TNFSF4: variants seen among roughly 807,000 people sequenced by gnomAD.
TNFSF4 encodes TNF superfamily member 4.
TNFSF4 carries 4 observed loss-of-function variants against 7.3 expected under a neutral mutation model. The ratio of observed to expected loss-of-function variants is 0.55; its 90% CI spans 0.27 to 1.25. The LOEUF (loss-of-function observed/expected upper bound fraction) is 1.25, where lower values mean the gene tolerates loss of function less well. Ranked by LOEUF, TNFSF4 falls within the 50% of genes most tolerant of loss-of-function variation. The pLI is 0.12. For synonymous variants in TNFSF4, 76 were observed against 83.7 expected (o/e 0.91, Z 0.50); for missense variants, 181 against 208.8 (o/e 0.87, Z 0.82).
the TNFSF4 span, among the ~76,000 whole-genome samples, chr1:173,235,298 G>A: frequency 2.6e-5 from 4 of 152,234 alleles, no homozygotes; most frequent in South Asian, 8.3e-4. Flanking sequence ...AGAATTAAAA[G>A]AAAGCTCTCA....
the TNFSF4 span, among the ~76,000 whole-genome samples, chr1:173,376,940 G>T: frequency 1.3e-5 from 2 of 152,000 alleles, no homozygotes; most frequent in African/African-American, 4.8e-5. Flanking sequence ...AACTCCGGAC[G>T]CACCACTTTT....
At chr1:173,354,787 C>G in the TNFSF4 span, among the ~76,000 whole-genome samples, 2 of 152,080 alleles carry the variant, frequency 1.3e-5, no homozygotes, top group Non-Finnish European at 2.9e-5. Context: ...GGTTACCCTC[C>G]CTACAAAATT....
chr1:173,355,050 G>A, the TNFSF4 span, among the ~76,000 whole-genome samples: 1 of 152,198 alleles, frequency 6.6e-6, no homozygotes, highest in Non-Finnish European at 1.5e-5. Flanking sequence ...GGCTCTGGGA[G>A]ATAATCTGTT....
the TNFSF4 span, among the ~76,000 whole-genome samples, chr1:173,299,295 A>C: frequency 6.6e-6 from 1 of 151,868 alleles, no homozygotes; most frequent in Non-Finnish European, 1.5e-5. Context: ...AGCTTATGAA[A>C]GCTGCTTTGC....
At chr1:173,291,951 A>T in the TNFSF4 span, among the ~76,000 whole-genome samples, 1 of 152,014 alleles carries the variant, frequency 6.6e-6, no homozygotes, top group African/African-American at 2.4e-5. Context: ...TGAAACCCTG[A>T]ACACAACAGT....
At chr1:173,271,961 A>G in the TNFSF4 span, among the ~76,000 whole-genome samples, 14 of 152,180 alleles carry the variant, frequency 9.2e-5, no homozygotes, top group African/African-American at 2.4e-4. Context: ...ATGTCCATCA[A>G]TGGTGGACTG....
the TNFSF4 span, among the ~76,000 whole-genome samples, chr1:173,329,726 T>A: frequency 6.6e-6 from 1 of 152,128 alleles, no homozygotes; most frequent in Non-Finnish European, 1.5e-5. Context: ...GGCCGTAGGA[T>A]AGGTTCTGTT....
the TNFSF4 span, among the ~76,000 whole-genome samples, chr1:173,340,478 A>G: frequency 6.6e-6 from 1 of 152,042 alleles, no homozygotes; most frequent in Non-Finnish European, 1.5e-5. Context: ...GGACCATTTG[A>G]GGTGATGAGC....
At chr1:173,442,513 G>GTTTGGTTTTCGGTT in the TNFSF4 span, among the ~76,000 whole-genome samples, 1 of 118,920 alleles carries the variant, frequency 8.4e-6, no homozygotes, top group African/African-American at 2.9e-5. Context: ...TTTTTTGTTT[G>GTTTGGTTTTCGGTT]TTTGGTTTTC....
the TNFSF4 span, among the ~76,000 whole-genome samples, chr1:173,417,629 T>C: frequency 2.0e-5 from 3 of 152,170 alleles, no homozygotes; most frequent in African/African-American, 4.8e-5. Context: ...TCTCATTGCC[T>C]GACATTATAA....
the TNFSF4 span, among the ~76,000 whole-genome samples, chr1:173,422,608 A>G: frequency 6.6e-6 from 1 of 152,320 alleles, no homozygotes. Flanking sequence ...TTACTGACCC[A>G]GTAACTGCTG....
chr1:173,311,269 A>C, the TNFSF4 span, among the ~76,000 whole-genome samples: 10 of 152,136 alleles, frequency 6.6e-5, no homozygotes, highest in African/African-American at 2.2e-4. Flanking sequence ...CAGGAAACAG[A>C]AATCATACAG....
the TNFSF4 span, among the ~76,000 whole-genome samples, chr1:173,263,363 G>A: frequency 2.0e-5 from 3 of 152,048 alleles, no homozygotes; most frequent in Non-Finnish European, 2.9e-5. Flanking sequence ...GAGGCATAAC[G>A]CTATTTCAAT....
the TNFSF4 span, among the ~76,000 whole-genome samples, chr1:173,384,862 T>A: frequency 6.6e-6 from 1 of 152,208 alleles, no homozygotes; most frequent in Non-Finnish European, 1.5e-5. Context: ...TACTTACCTA[T>A]GTTAAATATA....
At chr1:173,381,327 TGAG>T in the TNFSF4 span, among the ~76,000 whole-genome samples, 1 of 152,184 alleles carries the variant, frequency 6.6e-6, no homozygotes, top group Non-Finnish European at 1.5e-5. Flanking sequence ...AGGGATAGTA[TGAG>T]ATGCCACCCG....
chr1:173,233,817 C>A, the TNFSF4 span, among the ~76,000 whole-genome samples: 11 of 152,132 alleles, frequency 7.2e-5, no homozygotes, highest in South Asian at 6.2e-4. Flanking sequence ...TAAAGACTTA[C>A]ATGTTAGACC....
chr1:173,203,452 TA>T (rs1338058484), intron 1 of TNFSF4, among the ~76,000 whole-genome samples: 1 of 152,188 alleles, frequency 6.6e-6, no homozygotes, highest in East Asian at 1.9e-4. Context: ...GGTCTATTGT[TA>T]AAAAAGAACT....
the TNFSF4 span, among the ~76,000 whole-genome samples, chr1:173,341,025 A>T: frequency 1.3e-5 from 2 of 152,106 alleles, no homozygotes; most frequent in African/African-American, 4.8e-5. Flanking sequence ...TGATGGTTTT[A>T]TAAGGGGCTT....
At chr1:173,419,811 T>A in the TNFSF4 span, among the ~76,000 whole-genome samples, 151 of 152,312 alleles carry the variant, frequency 9.9e-4, 1 homozygote, top group Non-Finnish European at 1.8e-3. Context: ...TTTTTTAAGA[T>A]TTTTTAAAAT....
Sources: gnomAD v4.1 joint callset for allele counts (sites outside exome capture counted in the v4.1 genomes callset) on GRCh38, gnomAD v4.1.1 for gene constraint, MANE v1.5 for transcripts, NCBI Gene and HGNC (gene_info 2026-07-23, HGNC 2026-07-21) for gene names.